PBX3: variants seen among roughly 807,000 people sequenced by gnomAD.
PBX3 encodes pre-B-cell leukemia transcription factor 3.
A neutral mutation model predicts 48.5 loss-of-function variants in PBX3; 14 were observed. The observed-to-expected ratio is 0.29, with a 90% CI of 0.19 to 0.45. The LOEUF (loss-of-function observed/expected upper bound fraction) is 0.45, where lower values mean the gene tolerates loss of function less well. PBX3 is among the 20% of genes least tolerant of loss of function. The pLI, the probability that PBX3 is intolerant of heterozygous loss-of-function variation, is 1.00. For missense variants in PBX3, 386 were observed against 546.7 expected (o/e 0.71, Z 2.93); for synonymous variants, 210 against 200.3 (o/e 1.05, Z -0.41).
At chr9:125,750,696 G>A (rs1276899472) in intron 2 of PBX3, among the ~76,000 whole-genome samples, 1 of 152,210 alleles carries the variant, frequency 6.6e-6, no homozygotes, top group African/African-American at 2.4e-5. Flanking sequence ...GCTTTGGCCA[G>A]TGGATCCACA....
chr9:125,963,880 G>A (rs1263791076), intron 8 of PBX3, among the ~76,000 whole-genome samples: 1 of 151,810 alleles, frequency 6.6e-6, no homozygotes, highest in African/African-American at 2.4e-5. Flanking sequence ...AGTGATTGAG[G>A]ATGTTCAATT....
chr9:125,750,686 G>A (rs1407045828), intron 2 of PBX3, among the ~76,000 whole-genome samples: 1 of 152,158 alleles, frequency 6.6e-6, no homozygotes, highest in Non-Finnish European at 1.5e-5. Context: ...CTCTTTTTGT[G>A]CTTTGGCCAG....
intron 2 of PBX3, among the ~76,000 whole-genome samples, chr9:125,913,294 G>T (rs1257882696): frequency 1.3e-5 from 2 of 151,956 alleles, no homozygotes; most frequent in Non-Finnish European, 2.9e-5. Context: ...ATATTTTCCT[G>T]TTCTTGAGGC....
At chr9:125,868,926 C>G (rs1438043575) in intron 2 of PBX3, among the ~76,000 whole-genome samples, 1 of 151,948 alleles carries the variant, frequency 6.6e-6, no homozygotes, top group Non-Finnish European at 1.5e-5. Flanking sequence ...GGGCCACAGG[C>G]TCACAATTAA....
intron 2 of PBX3, among the ~76,000 whole-genome samples, chr9:125,817,911 G>T (rs576716000): frequency 4.6e-5 from 7 of 152,272 alleles, no homozygotes; most frequent in Admixed American, 4.6e-4. Context: ...ATTATAAATG[G>T]TGTAGTATTG....
At chr9:125,928,238 G>A (rs898395100) in intron 3 of PBX3, among the ~76,000 whole-genome samples, 2 of 151,864 alleles carry the variant, frequency 1.3e-5, no homozygotes. Flanking sequence ...AATTAGCTGG[G>A]TATGGTGGCA....
intron 2 of PBX3, among the ~76,000 whole-genome samples, chr9:125,854,959 A>G (rs901783133): frequency 1.1e-4 from 16 of 152,338 alleles, no homozygotes; most frequent in Non-Finnish European, 1.6e-4. Context: ...AGCTTGGGAA[A>G]AAGTGAGTAC....
At chr9:125,870,248 T>C (rs576915661) in intron 2 of PBX3, among the ~76,000 whole-genome samples, 64 of 152,186 alleles carry the variant, frequency 4.2e-4, no homozygotes, top group African/African-American at 1.5e-3. Flanking sequence ...TTTGTGTTTT[T>C]AGTAGAGATG....
At chr9:125,849,187 G>A (rs968206045) in intron 2 of PBX3, among the ~76,000 whole-genome samples, 1 of 151,858 alleles carries the variant, frequency 6.6e-6, no homozygotes, top group Non-Finnish European at 1.5e-5. Context: ...TTTTCTATAA[G>A]CATTGTTGTA....
chr9:125,838,523 A>G lies in PBX3; in HGVS notation c.275-77163A>G, dbSNP rs888989725. 3.3e-5 allele frequency among the ~76,000 whole-genome samples: 5 copies of G among 152,200 alleles called. No homozygotes were observed. The East Asian group carries it at 5.8e-4, about 18-fold the overall frequency. ...GTTAGGTGTATTTTGGTAGACAAGA[A>G]GATTTGGACTGTAAATGGGAAATGA... On this transcript the variant is annotated intron_variant, in intron 2 of 8. Transcript: ENST00000373489.
At chr9:125,919,653 C>T (rs1039689018) in intron 3 of PBX3, among the ~76,000 whole-genome samples, 2 of 152,092 alleles carry the variant, frequency 1.3e-5, no homozygotes, top group Admixed American at 6.5e-5. Flanking sequence ...TGTGTTGAGT[C>T]TTTTAGAAAT....
At chr9:125,959,080 A>G (rs1318197060) in intron 5 of PBX3, among the ~76,000 whole-genome samples, 1 of 152,248 alleles carries the variant, frequency 6.6e-6, no homozygotes, top group African/African-American at 2.4e-5. Context: ...GTGTCATGCC[A>G]GTATAACCAC....
intron 2 of PBX3, among the ~76,000 whole-genome samples, chr9:125,912,943 T>TG (rs1841237058): frequency 6.6e-6 from 1 of 151,972 alleles, no homozygotes; most frequent in South Asian, 2.1e-4. Flanking sequence ...TAATAGTGAG[T>TG]GGCTAGGTAG....
chr9:125,926,158 A>G (rs1418050379), intron 3 of PBX3, among the ~76,000 whole-genome samples: 1 of 152,234 alleles, frequency 6.6e-6, no homozygotes, highest in Admixed American at 6.5e-5. Flanking sequence ...AAGTTCAAGA[A>G]AAAGATATAT....
At chr9:125,964,375 CTAAG>C in intron 8 of PBX3, among the ~76,000 whole-genome samples, 1 of 152,114 alleles carries the variant, frequency 6.6e-6, no homozygotes, top group East Asian at 1.9e-4. Context: ...TTTTCTTTTC[CTAAG>C]TAGATTTTCA....
intron 2 of PBX3, among the ~76,000 whole-genome samples, chr9:125,893,457 T>C (rs1840698668): frequency 6.6e-6 from 1 of 152,220 alleles, no homozygotes; most frequent in African/African-American, 2.4e-5. Context: ...GTGCATATCT[T>C]CAGATCTTCT....
chr9:125,945,119 G>C (rs1234412199), intron 5 of PBX3, among the ~76,000 whole-genome samples: 1 of 152,044 alleles, frequency 6.6e-6, no homozygotes, highest in Admixed American at 6.6e-5. Flanking sequence ...AGCTACTCAG[G>C]AGGCTGAGGC....
intron 2 of PBX3, among the ~76,000 whole-genome samples, chr9:125,808,430 C>T (rs1258047864): frequency 2.0e-5 from 3 of 152,054 alleles, no homozygotes; most frequent in African/African-American, 4.8e-5. Context: ...AATCCCAACA[C>T]GTTGGAAGGC....
At chr9:125,811,451 T>G (rs1950511061) in intron 2 of PBX3, among the ~76,000 whole-genome samples, 1 of 152,150 alleles carries the variant, frequency 6.6e-6, no homozygotes, top group South Asian at 2.1e-4. Context: ...CCTGTTCTCA[T>G]GATAGTGAAT....
Sources: allele counts gnomAD v4.1 joint callset (sites outside exome capture counted in the v4.1 genomes callset), GRCh38; gene constraint gnomAD v4.1.1; transcripts MANE v1.5; gene names NCBI Gene and HGNC (gene_info 2026-07-23, HGNC 2026-07-21).